Variants in MAMDC2 observed in about 807,000 individuals in gnomAD.
The protein encoded by MAMDC2 is MAM domain-containing protein 2.
In MAMDC2, 57 loss-of-function variants were observed where a neutral mutation model predicts 89.8. The observed-to-expected ratio is 0.63, with a 90% confidence interval of 0.51 to 0.79. MAMDC2 has a LOEUF of 0.79. Ranked by LOEUF, MAMDC2 falls within the 30% of genes least tolerant of loss-of-function variation. The pLI is 0.00. For synonymous variants in MAMDC2, 313 were observed against 293.4 expected, an observed-to-expected ratio of 1.07 and a Z score of -0.68; for missense variants, 800 against 820.6, an observed-to-expected ratio of 0.97 and a Z score of 0.31.
chr9:70,144,915 C>T (rs552186498), intron 9 of MAMDC2, among the ~76,000 whole-genome samples: 2 of 152,314 alleles, frequency 1.3e-5, no homozygotes, highest in Admixed American at 6.5e-5. Context: ...TGCCTGGTTA[C>T]TTTTAGTCCA....
chr9:70,077,838 A>G (rs1827566687), intron 2 of MAMDC2, among the ~76,000 whole-genome samples: 1 of 152,192 alleles, frequency 6.6e-6, no homozygotes, highest in Admixed American at 6.5e-5. Context: ...TTTGCAAGAA[A>G]CAAAGCAGGG....
At chr9:70,146,070 C>T (rs2118428122) in intron 9 of MAMDC2, among the ~76,000 whole-genome samples, 1 of 152,310 alleles carries the variant, frequency 6.6e-6, no homozygotes, top group Admixed American at 6.5e-5. Context: ...ACTCCACTCA[C>T]CTCCCCCGAC....
At chr9:70,166,248 A>C (rs1182983447) in intron 9 of MAMDC2, among the ~76,000 whole-genome samples, 1 of 150,370 alleles carries the variant, frequency 6.7e-6, no homozygotes, top group Non-Finnish European at 1.5e-5. Flanking sequence ...ATCTCAAAAA[A>C]AAAACAAAAC....
intron 12 of MAMDC2, among the ~76,000 whole-genome samples, chr9:70,224,243 A>G (rs1050723154): frequency 6.6e-6 from 1 of 152,132 alleles, no homozygotes; most frequent in African/African-American, 2.4e-5. Context: ...AGAGACAGAC[A>G]CAGAAGGTGA....
chr9:70,151,638 C>T (rs187997186), intron 9 of MAMDC2, among the ~76,000 whole-genome samples: 9 of 152,318 alleles, frequency 5.9e-5, no homozygotes, highest in African/African-American at 2.2e-4. Context: ...TGGTCAAGGT[C>T]TCTCTCCAAT....
At chr9:70,169,636 G>A (rs1455328671) in intron 10 of MAMDC2, 1 of 152,126 alleles carries the variant, frequency 6.6e-6, no homozygotes, top group Non-Finnish European at 1.5e-5. Context: ...GATCACAAAA[G>A]AGACATATGA....
chr9:70,200,789 T>C (rs1172597048), intron 11 of MAMDC2, among the ~76,000 whole-genome samples: 1 of 151,018 alleles, frequency 6.6e-6, no homozygotes, highest in African/African-American at 2.5e-5. Flanking sequence ...GTTGGATTCC[T>C]AGGTATTGTA....
At chr9:70,051,237 G>C (rs932811051) in intron 2 of MAMDC2, among the ~76,000 whole-genome samples, 3 of 152,158 alleles carry the variant, frequency 2.0e-5, no homozygotes, top group Admixed American at 2.0e-4. Context: ...AGCTGTGTCT[G>C]GGCAGCCTCC....
At chr9:70,180,394 G>A (rs2032615794) in intron 11 of MAMDC2, among the ~76,000 whole-genome samples, 1 of 152,102 alleles carries the variant, frequency 6.6e-6, no homozygotes, top group African/African-American at 2.4e-5. Context: ...CGGGATTGTT[G>A]GGTCAAATGG....
In MAMDC2 at chr9:70,140,223, C is replaced by T; in HGVS notation, c.1073C>T (p.Pro358Leu). The stretch of plus-strand genomic sequence containing the variant: ...AACTTTTACCAAGATAAAGAAGGTC[C>T]AGGTTGGACCCGAGTGAAAGTAAAA... ...LCNFYQDKEG[P>L]GWTRVKVKPN... Residue 358 changes from proline (P) to leucine (L), a missense_variant, in exon 8 of 14, where the codon CCA becomes CTA. Pro to Leu is a moderately conservative substitution (Grantham distance 98). Coordinates refer to ENST00000377182, the MANE Select transcript of MAMDC2 (RefSeq NM_153267.5). 1 of 1,599,500 alleles carries T rather than the reference C, an allele frequency of 6.3e-7. No individual in the cohort carries two copies. Among genetic ancestry groups the T allele is most frequent in the Non-Finnish European group, 8.5e-7 (1 of 1,175,516 alleles).
intron 5 of MAMDC2, among the ~76,000 whole-genome samples, chr9:70,123,376 T>C (rs530316471): frequency 1.3e-5 from 2 of 152,280 alleles, no homozygotes; most frequent in East Asian, 3.9e-4. Flanking sequence ...GCTTGGGATA[T>C]GGAGGAGTGA....
At chr9:70,152,105 T>C (rs1335345094) in intron 9 of MAMDC2, among the ~76,000 whole-genome samples, 6 of 152,178 alleles carry the variant, frequency 3.9e-5, no homozygotes, top group African/African-American at 1.4e-4. Context: ...ATGCCTGCCT[T>C]CTGCCTCCCC....
intron 11 of MAMDC2, among the ~76,000 whole-genome samples, chr9:70,200,164 C>A (rs1379008423): frequency 6.6e-6 from 1 of 152,104 alleles, no homozygotes; most frequent in Non-Finnish European, 1.5e-5. Flanking sequence ...AGGTTTTCTC[C>A]TAGGGTTTTT....
intron 9 of MAMDC2, among the ~76,000 whole-genome samples, chr9:70,151,776 A>G (rs1342018915): frequency 6.6e-6 from 1 of 152,076 alleles, no homozygotes. Context: ...ATTTCTTTTC[A>G]GTGTCCTTGA....
intron 7 of MAMDC2, among the ~76,000 whole-genome samples, chr9:70,132,384 C>T (rs566855058): frequency 1.3e-5 from 2 of 152,060 alleles, no homozygotes; most frequent in African/African-American, 4.8e-5. Context: ...TTATGGTCAC[C>T]CCGCCTTATT....
At chr9:70,138,175 G>T (rs986014874) in intron 7 of MAMDC2, among the ~76,000 whole-genome samples, 1 of 152,134 alleles carries the variant, frequency 6.6e-6, no homozygotes, top group African/African-American at 2.4e-5. Flanking sequence ...TTCTGTGTCT[G>T]ACTTGTTTCA....
At chr9:70,208,426 T>A (rs890529954) in intron 11 of MAMDC2, among the ~76,000 whole-genome samples, 1 of 152,156 alleles carries the variant, frequency 6.6e-6, no homozygotes, top group African/African-American at 2.4e-5. Context: ...ATGATTTGGC[T>A]CTCTGTTTGT....
chr9:70,087,197 C>G (rs1827788732), intron 2 of MAMDC2: 1 of 152,158 alleles, frequency 6.6e-6, no homozygotes. Context: ...TGCACTCAGT[C>G]AGACTTTTGT....
chr9:70,224,068 GT>G (rs1410490269), intron 12 of MAMDC2, among the ~76,000 whole-genome samples: 1 of 152,040 alleles, frequency 6.6e-6, no homozygotes, highest in Non-Finnish European at 1.5e-5. Flanking sequence ...AGATTTTATT[GT>G]TGTTCAGAGA....
Sources: gnomAD v4.1 joint callset for allele counts (sites outside exome capture counted in the v4.1 genomes callset) on GRCh38, gnomAD v4.1.1 for gene constraint, MANE v1.5 for transcripts, NCBI Gene and HGNC (gene_info 2026-07-23, HGNC 2026-07-21) for gene names.